APOB: variants seen among roughly 807,000 people sequenced by gnomAD.
APOB encodes apolipoprotein B, also known as apolipoprotein B-100.
APOB carries 153 observed loss-of-function variants against 314.1 expected under a neutral mutation model. That is an observed-to-expected ratio of 0.49 (90% CI 0.43 to 0.56). APOB has a LOEUF of 0.56. Among genes scored for constraint, APOB ranks in the 20% least tolerant of loss-of-function variants. The pLI, the probability that APOB is intolerant of heterozygous loss-of-function variation, is 0.00. For synonymous variants in APOB, 2,087 were observed against 2,036.4 expected, an observed-to-expected ratio of 1.02 and a Z score of -0.67; for missense variants, 5,430 against 5,350.7, an observed-to-expected ratio of 1.01 and a Z score of -0.46.
In APOB at chr2:21,005,820, C is replaced by A. The variant is rs944488308; in HGVS notation, c.11048G>T (p.Ser3683Ile). 5 of 1,614,040 alleles carry A rather than the reference C, an allele frequency of 3.1e-6. No homozygotes were observed. Among genetic ancestry groups the A allele is most frequent in the Non-Finnish European group, 4.2e-6 (5 of 1,179,964 alleles). ...ATCCAGCTTTAGGAAATCCCATAAG[C>A]TCTTGTCATAGACTGGTAGGATGAT... The part of the protein sequence containing the change: ...KNIILPVYDK[S>I]LWDFLKLDVT... Residue 3683 changes from serine to isoleucine, a missense_variant, in exon 26 of 29, where the codon AGC becomes ATC. This residue lies in a region of APOB where 3,281 missense variants were observed against 3,171.0 expected (regional missense o/e 1.03). Coordinates refer to ENST00000233242, the MANE Select transcript of APOB (RefSeq NM_000384.3).
rs1663780514 is a variant in APOB, at chr2:21,028,024, A to G, written c.1871T>C (p.Leu624Pro). 2 of 1,613,942 alleles carry G rather than the reference A, an allele frequency of 1.2e-6. No homozygotes were observed. The highest frequency in any genetic ancestry group is 1.7e-6 in the Non-Finnish European group (2 of 1,179,792). The stretch of plus-strand genomic sequence containing the variant: ...TTTTCTGAAGTCCATGACAGTTGGA[A>G]GTTGAGATTCTTTCAGAGCTTCTTT... ...LVKEALKESQ[L>P]PTVMDFRKFS... The change falls in exon 14 of 29, where the codon CTT (leucine) becomes CCT (proline). Residue 624 changes from leucine to proline, a missense_variant. By Grantham distance (98) the Leu-to-Pro change is moderately conservative. This residue lies in a region of APOB where 2,085 missense variants were observed against 2,079.7 expected (regional missense o/e 1.00). Coordinates refer to ENST00000233242, the MANE Select transcript of APOB (RefSeq NM_000384.3).
chr2:21,026,907 C>T lies in APOB; in HGVS notation c.2125G>A (p.Gly709Arg), dbSNP rs866025387. 6.2e-7 allele frequency: 1 copy of T among 1,614,170 alleles called. No individual in the cohort carries two copies. Among genetic ancestry groups the T allele is most frequent in the Non-Finnish European group, 8.5e-7 (1 of 1,180,030 alleles). ...PTLEALFGKQ[G>R]FFPDSVNKAL... ...TTGTTGACACTGTCTGGGAAAAATC[C>T]TTGCTTCCCAAAAAGAGCTTCCAAT... Residue 709 changes from glycine (G) to arginine (R), a missense_variant, in exon 15 of 29, where the codon GGA (glycine) becomes AGA (arginine). By Grantham distance (125) the Gly-to-Arg change is moderately radical (BLOSUM62 -2). Coordinates refer to ENST00000233242, the MANE Select transcript of APOB (RefSeq NM_000384.3).
At chr2:21,033,077 C>T (rs1663917827) in intron 9 of APOB, among the ~76,000 whole-genome samples, 1 of 152,190 alleles carries the variant, frequency 6.6e-6, no homozygotes, top group African/African-American at 2.4e-5. Context: ...TGTTTTAACA[C>T]ACAAATACAT....
chr2:21,016,719 T>C (rs1022252290), intron 20 of APOB, 70 bp from the exon 21 acceptor site: 18 of 1,007,304 alleles, frequency 1.8e-5, no homozygotes, highest in Non-Finnish European at 2.5e-5. Flanking sequence ...GTGCGGTGGC[T>C]CACACCTGTA....
In APOB at chr2:21,006,815, A is replaced by T; in HGVS notation, c.10053T>A (p.Asn3351Lys). The change falls in exon 26 of 29, where the codon AAT becomes AAA. Residue 3351 changes from asparagine to lysine, a missense_variant. Coordinates refer to ENST00000233242, the MANE Select transcript of APOB (RefSeq NM_000384.3). Reference sequence around the variant, plus strand: ...ACTGGTTAAAAAGTTCAGCATTGGTATTCAGTGTGATGACACTTGATTTAA... The same window carrying T: ...ACTGGTTAAAAAGTTCAGCATTGGTTTTCAGTGTGATGACACTTGATTTAA... Reference protein sequence around the residue: ...FSFKSSVITLNTNAELFNQSD... With the variant: ...FSFKSSVITLKTNAELFNQSD... 1 of 1,614,128 alleles carries T rather than the reference A, an allele frequency of 6.2e-7. No individual in the cohort carries two copies. The highest frequency in any genetic ancestry group is 8.5e-7 in the Non-Finnish European group (1 of 1,179,952).
rs1486687434 is a variant in APOB, at chr2:21,011,691, A to C, written c.5177T>G (p.Ile1726Ser). The C allele has an allele frequency of 6.2e-7, 1 of 1,614,028 alleles. No homozygotes were observed. Among genetic ancestry groups the C allele is most frequent in the African/African-American group, 1.3e-5 (1 of 74,896 alleles). ...TTCTTGACTGACCTTGAAGTTGAAA[A>C]TGTTTTTGCTGTCGACACCCAGAAT... The part of the protein sequence containing the change: ...AMILGVDSKN[I>S]FNFKVSQEGL... The change falls in exon 26 of 29, where the codon ATT (isoleucine) becomes AGT (serine). Residue 1726 changes from isoleucine to serine, a missense_variant. Ile to Ser is a moderately radical substitution (Grantham distance 142). Transcript: ENST00000233242.
In APOB at chr2:21,037,201, T is replaced by C; in HGVS notation, c.592A>G (p.Asn198Asp). 1 of 1,614,194 alleles carries C rather than the reference T, an allele frequency of 6.2e-7. No individual in the cohort carries two copies. Among genetic ancestry groups the C allele is most frequent in the Non-Finnish European group, 8.5e-7 (1 of 1,180,040 alleles). The change falls in exon 6 of 29, where the codon AAT (asparagine) becomes GAT (aspartate). Residue 198 changes from asparagine (N) to aspartate (D), a missense_variant. By Grantham distance (23) the Asn-to-Asp change is conservative. Around this residue, in one of 3 missense-constraint regions of APOB, gnomAD observed 2,085 missense variants for 2,079.7 expected, o/e 1.00. Coordinates refer to ENST00000233242, the MANE Select transcript of APOB (RefSeq NM_000384.3). ...TCAGTGGATATTTCTGTTGCCACAT[T>C]GCCCTTCCTCGTCTTGACGGTAAAG... Reference protein sequence around the residue: ...THFTVKTRKGNVATEISTERD... With the variant: ...THFTVKTRKGDVATEISTERD...
In APOB at chr2:21,015,489, T is replaced by G; in HGVS notation, c.3389A>C (p.Gln1130Pro). 6.2e-7 allele frequency: 1 copy of G among 1,614,090 alleles called. No homozygotes were observed. The highest frequency in any genetic ancestry group is 8.5e-7 in the Non-Finnish European group (1 of 1,180,034). The change falls in exon 22 of 29, where the codon CAA becomes CCA. Residue 1130 changes from glutamine (Q) to proline (P), a missense_variant. Gln to Pro is a moderately conservative substitution (Grantham distance 76, BLOSUM62 -1). Transcript: ENST00000233242. The part of the protein sequence containing the change: ...IKGVISIPRL[Q>P]AEARSEILAH... ...GAGGATCTCACTTCTGGCTTCTGCT[T>G]GCAAACGGGGTATGGAAATAACACC...
Position 21,043,897 on chromosome 2 carries a change from GCGCAGGCAGCGC to G in APOB, c.37_48del (p.Ala13_Ala16del), listed in dbSNP as rs1178269349. On this transcript the variant is annotated inframe_deletion, in exon 1 of 29. Transcript: ENST00000233242. ...GCGCCCGCCAGCAGCAGCAGCAGCA[GCGCAGGCAGCGC>G]CAGCAGCGCCAGCAGCGCGGGCCTC... The G allele has an allele frequency of 7.0e-7, 1 of 1,431,312 alleles. No individual in the cohort carries two copies. The allele number at this position is 1,431,312 out of a possible 1,614,324, so 88.7% of individuals were successfully genotyped here. A position where few individuals can be genotyped will look rare whatever the true frequency, so the allele number is the denominator to read the frequency against.
Position 21,035,607 on chromosome 2 carries a change from G to T in APOB, c.795C>A (p.His265Gln). 1 of 1,614,134 alleles carries T rather than the reference G, an allele frequency of 6.2e-7. No individual in the cohort carries two copies. The highest frequency in any genetic ancestry group is 2.2e-5 in the East Asian group (1 of 44,886). The change falls in exon 7 of 29, where the codon CAC becomes CAA. Residue 265 changes from histidine to glutamine, a missense_variant. Around this residue, in one of 3 missense-constraint regions of APOB, gnomAD observed 2,085 missense variants for 2,079.7 expected, o/e 1.00. Transcript: ENST00000233242. Reference sequence around the variant, plus strand: ...ACTTGTAGGAGAAAGGCAGGAAGAGGTGTTGCTCCTTGCAGATGGCTTCTG... The same window carrying T: ...ACTTGTAGGAGAAAGGCAGGAAGAGTTGTTGCTCCTTGCAGATGGCTTCTG... ...HVAEAICKEQ[H>Q]LFLPFSYKNK...
chr2:21,032,354 T>G lies in APOB; in HGVS notation c.1352A>C (p.Asn451Thr). The G allele has an allele frequency of 6.2e-7, 1 of 1,612,494 alleles. No individual in the cohort carries two copies. The highest frequency in any genetic ancestry group is 1.1e-5 in the South Asian group (1 of 91,054). Residue 451 changes from asparagine (N) to threonine (T), a missense_variant and splice_region_variant, in exon 10 of 29, where the codon AAC (asparagine) becomes ACC (threonine). Transcript: ENST00000233242. Reference protein sequence around the residue: ...TLYALSHAVNNYHKTNPTGTQ... With the variant: ...TLYALSHAVNTYHKTNPTGTQ... ...GGAGAAATACAGTGTGGAAACTCAC[T>G]TGTTGACCGCGTGGCTCAGCGCATA...
Position 21,012,643 on chromosome 2 carries a change from C to T in APOB, c.4225G>A (p.Glu1409Lys), listed in dbSNP as rs551773082. 1 of 1,611,744 alleles carries T rather than the reference C, an allele frequency of 6.2e-7. No individual in the cohort carries two copies. Among genetic ancestry groups the T allele is most frequent in the South Asian group, 1.1e-5 (1 of 91,028 alleles). The change falls in exon 26 of 29, where the codon GAA (glutamate) becomes AAA (lysine). Residue 1409 changes from glutamate to lysine, a missense_variant. Physicochemically the swap from Glu to Lys is moderately conservative, Grantham distance 56 (BLOSUM62 1). This residue lies in a region of APOB where 2,085 missense variants were observed against 2,079.7 expected (regional missense o/e 1.00). Coordinates refer to ENST00000233242, the MANE Select transcript of APOB (RefSeq NM_000384.3). ...GTATTCTTGTGGTCATATGTTGTTT[C>T]TCCAGATCCTAACATAAAAATGAAA... ...LLSYNVQGSGETTYDHKNTFT... is the reference protein window; with the variant it reads ...LLSYNVQGSGKTTYDHKNTFT...
chr2:21,030,529 G>A (rs1485302634), intron 10 of APOB, among the ~76,000 whole-genome samples: 2 of 152,136 alleles, frequency 1.3e-5, no homozygotes, highest in African/African-American at 2.4e-5. Context: ...AACTTCTCTG[G>A]ACATTGGCCT....
Position 21,019,878 on chromosome 2 carries a change from G to T in APOB, c.2844C>A (p.Thr948=). The part of the protein sequence containing the change: ...GGNTLHLVST[T]KTEVIPPLIE... ...TGAGAGGTGGGATCACCTCCGTTTT[G>T]GTGGTAGAGACCAAATGTAATGTGT... The change falls in exon 19 of 29, where the codon ACC becomes ACA. Residue 948 remains threonine, a synonymous_variant. Coordinates refer to ENST00000233242, the MANE Select transcript of APOB (RefSeq NM_000384.3). 1 of 1,614,174 alleles carries T rather than the reference G, an allele frequency of 6.2e-7. No individual in the cohort carries two copies. Among genetic ancestry groups the T allele is most frequent in the Non-Finnish European group, 8.5e-7 (1 of 1,180,036 alleles).
rs1260081267 is a variant in APOB at position 21,009,429 on chromosome 2, TAC to T, written c.7437_7438del (p.Tyr2480SerfsTer64). ...TTTGGTGTCCTGTAGGCTTTCCAGA[TAC>T]ACTGCAACTGTGGCCTTGGTTTCCT... On this transcript the variant is annotated frameshift_variant, in exon 26 of 29. Transcript: ENST00000233242. LOFTEE classifies it high-confidence loss of function. The T allele has an allele frequency of 6.2e-7, 1 of 1,613,992 alleles. No individual in the cohort carries two copies. Among genetic ancestry groups the T allele is most frequent in the Non-Finnish European group, 8.5e-7 (1 of 1,179,974 alleles).
In APOB at chr2:21,023,103, A is replaced by G. The variant is rs2103370357; in HGVS notation, c.2605-61T>C. On this transcript the variant is annotated intron_variant, in intron 17 of 28. Transcript: ENST00000233242. ...AATACTTCAGTCCCCTGTCAGTCAG[A>G]TCAACCACCCTTTCTCACCTCCGGG... is the stretch of plus-strand genomic sequence containing the variant. The G allele has an allele frequency of 4.9e-6, 7 of 1,437,358 alleles. No individual in the cohort carries two copies. The East Asian group carries it at 6.8e-5, about 14-fold the overall frequency. 89.0% of individuals were successfully genotyped at this position (1,437,358 alleles called of 1,614,324 possible). A position where few individuals can be genotyped will look rare whatever the true frequency, so the allele number is the denominator to read the frequency against.
chr2:21,014,678 A>G, intron 23 of APOB, 85 bp from the exon 24 acceptor site: 1 of 1,402,558 alleles, frequency 7.1e-7, no homozygotes, highest in Non-Finnish European at 1.0e-6. Context: ...TACCGATTTG[A>G]CAAGTTAATT....
At position 21,005,752 on chromosome 2, in the gene APOB, T is replaced by C. The variant is rs1558560860; in HGVS notation, c.11116A>G (p.Thr3706Ala). 8 of 1,613,958 alleles carry C rather than the reference T, an allele frequency of 5.0e-6. No homozygotes were observed. Among genetic ancestry groups the C allele is most frequent in the East Asian group, 2.2e-5 (1 of 44,868 alleles). Residue 3706 changes from threonine (T) to alanine (A), a missense_variant, in exon 26 of 29, where the codon ACT becomes GCT. This residue lies in a region of APOB where 3,281 missense variants were observed against 3,171.0 expected (regional missense o/e 1.03). Coordinates refer to ENST00000233242, the MANE Select transcript of APOB (RefSeq NM_000384.3). ...GGGTTTTTGGTGTACACAAAGGCAG[T>C]TGAAACACGAAGATGCTGTCTCCTA... Reference protein sequence around the residue: ...IGRRQHLRVSTAFVYTKNPNG... With the variant: ...IGRRQHLRVSAAFVYTKNPNG...
At position 21,019,026 on chromosome 2, in the gene APOB, C is replaced by A. The variant is rs1208950745; in HGVS notation, c.3087G>T (p.Leu1029Phe). 2 of 1,613,978 alleles carry A rather than the reference C, an allele frequency of 1.2e-6. No homozygotes were observed. The highest frequency in any genetic ancestry group is 4.5e-5 in the East Asian group (2 of 44,840). The change falls in exon 20 of 29, where the codon TTG (leucine) becomes TTT (phenylalanine). Residue 1029 changes from leucine to phenylalanine, a missense_variant. Coordinates refer to ENST00000233242, the MANE Select transcript of APOB (RefSeq NM_000384.3). The stretch of plus-strand genomic sequence containing the variant: ...GAGTTACAAACTTCAGGGTATCCAC[C>A]AAGGCTCTGTCCTCTCTCTGGAGCT... ...TYELQREDRA[L>F]VDTLKFVTQA...
Sources: allele counts gnomAD v4.1 joint callset (sites outside exome capture counted in the v4.1 genomes callset), GRCh38; gene constraint gnomAD v4.1.1; regional missense constraint gnomAD v4.1.1; transcripts MANE v1.5; gene names NCBI Gene and HGNC (gene_info 2026-07-23, HGNC 2026-07-21).